Variants in ADAM10 observed in about 807,000 individuals in gnomAD.
ADAM10 encodes the protein ADAM metallopeptidase domain 10, also known as disintegrin and metalloproteinase domain-containing protein 10.
ADAM10 carries 17 observed loss-of-function variants against 90.1 expected under a neutral mutation model. The ratio of observed to expected loss-of-function variants is 0.19; its 90% CI spans 0.13 to 0.28. ADAM10 has a LOEUF of 0.28. Ranked by LOEUF, ADAM10 falls within the 10% of genes least tolerant of loss-of-function variation. The pLI, the probability that ADAM10 is intolerant of heterozygous loss-of-function variation, is 1.00. For synonymous variants in ADAM10, 310 were observed against 298.6 expected, an observed-to-expected ratio of 1.04 and a Z score of -0.40; for missense variants, 610 against 914.3, an observed-to-expected ratio of 0.67 and a Z score of 4.29.
intron 1 of ADAM10, among the ~76,000 whole-genome samples, chr15:58,730,597 G>A (rs1177480396): frequency 6.6e-6 from 1 of 152,074 alleles, no homozygotes; most frequent in African/African-American, 2.4e-5. Context: ...CTCTACAAGA[G>A]GAATACTAAC....
intron 4 of ADAM10, among the ~76,000 whole-genome samples, chr15:58,671,560 C>G (rs2140738251): frequency 6.6e-6 from 1 of 152,274 alleles, no homozygotes; most frequent in South Asian, 2.1e-4. Flanking sequence ...TCTAGTTTTT[C>G]TGTAACTCAT....
At chr15:58,681,662 T>C (rs1322806284) in intron 3 of ADAM10, among the ~76,000 whole-genome samples, 3 of 152,346 alleles carry the variant, frequency 2.0e-5, no homozygotes, top group South Asian at 4.1e-4. Context: ...AACTTTCTAT[T>C]GGGTTAAGTG....
At chr15:58,708,561 G>T (rs111252522) in intron 2 of ADAM10, among the ~76,000 whole-genome samples, 81 of 152,288 alleles carry the variant, frequency 5.3e-4, no homozygotes, top group African/African-American at 1.7e-3. Flanking sequence ...TACTCAGGAG[G>T]CTGAAGTGGG....
intron 2 of ADAM10, among the ~76,000 whole-genome samples, chr15:58,685,173 A>T (rs1897555150): frequency 6.6e-6 from 1 of 151,358 alleles, no homozygotes; most frequent in African/African-American, 2.4e-5. Flanking sequence ...AAAAAAAAAA[A>T]AAAAAAGACC....
intron 5 of ADAM10, among the ~76,000 whole-genome samples, chr15:58,653,465 T>C (rs367545231): frequency 6.6e-6 from 1 of 152,220 alleles, no homozygotes; most frequent in African/African-American, 2.4e-5. Flanking sequence ...TCAGCATCAA[T>C]TGAAATTATC....
chr15:58,645,610 C>A (rs1307340385), intron 6 of ADAM10, among the ~76,000 whole-genome samples: 3 of 152,086 alleles, frequency 2.0e-5, no homozygotes, highest in African/African-American at 7.2e-5. Context: ...ACCTTCCACA[C>A]GAAGGACATT....
At chr15:58,685,493 C>A (rs975707270) in intron 2 of ADAM10, among the ~76,000 whole-genome samples, 4 of 92,894 alleles carry the variant, frequency 4.3e-5, no homozygotes, top group Non-Finnish European at 7.2e-5. Context: ...AAATAAGATA[C>A]AAAAAAGAAT....
At chr15:58,645,448 A>C (rs1030043620) in intron 6 of ADAM10, among the ~76,000 whole-genome samples, 6 of 152,148 alleles carry the variant, frequency 3.9e-5, no homozygotes, top group African/African-American at 1.4e-4. Context: ...ACATTTTCAA[A>C]ATCCTAAGGG....
intron 2 of ADAM10, among the ~76,000 whole-genome samples, chr15:58,714,632 ACT>A (rs1361069883): frequency 6.6e-6 from 1 of 152,190 alleles, no homozygotes; most frequent in Non-Finnish European, 1.5e-5. Context: ...GCTACAAGTA[ACT>A]CTAACTCAAA....
intron 3 of ADAM10, among the ~76,000 whole-genome samples, chr15:58,681,872 G>C (rs552831361): frequency 6.6e-6 from 1 of 152,186 alleles, no homozygotes; most frequent in East Asian, 1.9e-4. Context: ...ATAAAACACA[G>C]CAAAGTTACT....
At chr15:58,622,746 G>C (rs1362442371) in intron 10 of ADAM10, among the ~76,000 whole-genome samples, 1 of 152,114 alleles carries the variant, frequency 6.6e-6, no homozygotes, top group African/African-American at 2.4e-5. Context: ...GTCTTCTAAA[G>C]TTCTTTGATT....
intron 5 of ADAM10, among the ~76,000 whole-genome samples, chr15:58,653,293 C>A (rs549806980): frequency 1.3e-5 from 2 of 152,216 alleles, no homozygotes; most frequent in African/African-American, 4.8e-5. Flanking sequence ...TTCTTGTGTT[C>A]CCAATCTTAG....
At chr15:58,718,415 A>G (rs1898734707) in intron 1 of ADAM10, among the ~76,000 whole-genome samples, 1 of 152,178 alleles carries the variant, frequency 6.6e-6, no homozygotes, top group Non-Finnish European at 1.5e-5. Context: ...TTCAGGGTAT[A>G]TACCGGCTTA....
At chr15:58,623,982 T>TAA (rs34638861) in intron 10 of ADAM10, among the ~76,000 whole-genome samples, 207 of 137,352 alleles carry the variant, frequency 1.5e-3, no homozygotes, top group African/African-American at 4.0e-3. Flanking sequence ...AAGTGAAATT[T>TAA]AAAAAAAAAA....
chr15:58,623,050 T>A (rs978967352), intron 10 of ADAM10, among the ~76,000 whole-genome samples: 1 of 152,142 alleles, frequency 6.6e-6, no homozygotes, highest in African/African-American at 2.4e-5. Context: ...GCGAATTGAA[T>A]AAGTAGAAGG....
intron 2 of ADAM10, among the ~76,000 whole-genome samples, chr15:58,713,919 T>C (rs1347654778): frequency 1.3e-5 from 2 of 151,984 alleles, no homozygotes; most frequent in Non-Finnish European, 2.9e-5. Context: ...TTCAAGCGAT[T>C]GTCATGCCTC....
intron 8 of ADAM10, among the ~76,000 whole-genome samples, chr15:58,635,192 G>A (rs1248321553): frequency 6.9e-6 from 1 of 144,750 alleles, no homozygotes; most frequent in Non-Finnish European, 1.5e-5. Flanking sequence ...GGAGAATGGC[G>A]TGAACCCAGG....
intron 2 of ADAM10, among the ~76,000 whole-genome samples, chr15:58,689,984 T>C (rs1431063796): frequency 7.3e-6 from 1 of 137,290 alleles, no homozygotes; most frequent in Non-Finnish European, 1.5e-5. Context: ...ATATTCCTTA[T>C]GAACATAAAC....
chr15:58,687,635 C>CT (rs1897641405), intron 2 of ADAM10, among the ~76,000 whole-genome samples: 1 of 144,842 alleles, frequency 6.9e-6, no homozygotes, highest in Admixed American at 6.8e-5. Context: ...ACTCAACTAT[C>CT]TAACAAACAA....
Sources: allele counts gnomAD v4.1 joint callset (sites outside exome capture counted in the v4.1 genomes callset), GRCh38; gene constraint gnomAD v4.1.1; transcripts MANE v1.5; gene names NCBI Gene and HGNC (gene_info 2026-07-23, HGNC 2026-07-21).